ATRNL1: variants seen among roughly 807,000 people sequenced by gnomAD.
ATRNL1 encodes attractin like 1.
Under a neutral mutation model 182.7 loss-of-function variants are expected in ATRNL1, and 95 were observed. The ratio of observed to expected loss-of-function variants is 0.52; its 90% CI spans 0.44 to 0.62. The LOEUF (loss-of-function observed/expected upper bound fraction) is 0.62. Among genes scored for constraint, ATRNL1 ranks in the 20% least tolerant of loss-of-function variants. The pLI is 0.00. For missense variants in ATRNL1, 1,471 were observed against 1,679.5 expected (o/e 0.88, Z 2.17); for synonymous variants, 576 against 568.3 (o/e 1.01, Z -0.19).
intron 9 of ATRNL1, among the ~76,000 whole-genome samples, chr10:115,233,210 T>C (rs1390816190): frequency 6.6e-6 from 1 of 152,152 alleles, no homozygotes; most frequent in Non-Finnish European, 1.5e-5. Context: ...CTATGTGATC[T>C]CATTTTAACT....
rs943675792 is a variant in ATRNL1 at position 115,159,290 on chromosome 10, A to G, written c.830-750A>G. On this transcript the variant is annotated intron_variant, in intron 5 of 28. Transcript: ENST00000355044. ...ACTTTGTGAGCCCTAAAGTTTGATG[A>G]AAATATATTCCCTTTAGGAGAATTC... Among the ~76,000 whole-genome samples, 16 of 151,666 alleles carry G rather than the reference A, an allele frequency of 1.1e-4. No homozygotes were observed. The East Asian group carries it at 2.5e-3, about 24-fold the overall frequency.
intron 26 of ATRNL1, among the ~76,000 whole-genome samples, chr10:115,589,356 T>G (rs1855768321): frequency 6.6e-6 from 1 of 152,190 alleles, no homozygotes; most frequent in African/African-American, 2.4e-5. Flanking sequence ...GAGGGCTTCC[T>G]ATATCAGTAT....
At chr10:115,510,798 G>C (rs1291267308) in intron 24 of ATRNL1, among the ~76,000 whole-genome samples, 5 of 152,122 alleles carry the variant, frequency 3.3e-5, no homozygotes, top group African/African-American at 1.2e-4. Context: ...TATATGATAT[G>C]TTAATGTGAT....
chr10:115,375,937 T>A (rs1857646008), intron 19 of ATRNL1, among the ~76,000 whole-genome samples: 2 of 152,190 alleles, frequency 1.3e-5, no homozygotes, highest in Non-Finnish European at 2.9e-5. Flanking sequence ...AGTTTTATAT[T>A]TTCATATTTT....
intron 8 of ATRNL1, among the ~76,000 whole-genome samples, chr10:115,186,727 T>C (rs1041386413): frequency 3.9e-5 from 6 of 152,078 alleles, no homozygotes; most frequent in African/African-American, 1.4e-4. Context: ...GGATGATTAA[T>C]GGGTGCAGAA....
rs142268504 is a variant in ATRNL1, at chr10:115,919,451, T to C, written c.4019-25207T>C. Among the ~76,000 whole-genome samples, 135 of 152,236 alleles carry C rather than the reference T, an allele frequency of 8.9e-4. 1 individual carries two copies. The highest frequency in any genetic ancestry group is 2.9e-3 in the African/African-American group (121 of 41,550). On this transcript the variant is annotated intron_variant, in intron 28 of 28. Transcript: ENST00000355044. ...CTCAGTGATAGGTACAGAAGGCATATTGGAAACTTCCCACATGTCTATTTC... is the reference window on the plus strand; with the variant it reads ...CTCAGTGATAGGTACAGAAGGCATACTGGAAACTTCCCACATGTCTATTTC...
At chr10:115,512,862 A>G (rs1289235553) in intron 24 of ATRNL1, among the ~76,000 whole-genome samples, 2 of 151,956 alleles carry the variant, frequency 1.3e-5, no homozygotes, top group Non-Finnish European at 2.9e-5. Flanking sequence ...AGAGCAAGCC[A>G]TGTGAAGACC....
intron 26 of ATRNL1, among the ~76,000 whole-genome samples, chr10:115,580,974 T>C (rs1855034057): frequency 6.6e-6 from 1 of 152,178 alleles, no homozygotes; most frequent in Non-Finnish European, 1.5e-5. Context: ...TGAACACCCA[T>C]ATGACTGTTT....
At chr10:115,581,430 T>C (rs1175342982) in intron 26 of ATRNL1, among the ~76,000 whole-genome samples, 3 of 152,070 alleles carry the variant, frequency 2.0e-5, no homozygotes, top group African/African-American at 2.4e-5. Context: ...AGAGGATCTG[T>C]GGGAAATTCC....
chr10:115,295,158 A>C (rs1554922137), intron 15 of ATRNL1, among the ~76,000 whole-genome samples: 1 of 151,966 alleles, frequency 6.6e-6, no homozygotes, highest in Non-Finnish European at 1.5e-5. Context: ...GATTTTTTCC[A>C]GGGTTGGCCT....
intron 27 of ATRNL1, among the ~76,000 whole-genome samples, chr10:115,733,516 G>A (rs1433185063): frequency 5.9e-5 from 9 of 152,048 alleles, no homozygotes; most frequent in African/African-American, 7.2e-5. Context: ...AAGAAACCTC[G>A]CTCCCAAGGT....
chr10:115,274,037 T>A (rs962158049), intron 13 of ATRNL1, among the ~76,000 whole-genome samples: 21 of 152,218 alleles, frequency 1.4e-4, no homozygotes, highest in African/African-American at 4.8e-4. Flanking sequence ...AAGAGCTGTT[T>A]CTGCTAAAGG....
chr10:115,689,841 C>T lies in ATRNL1; in HGVS notation c.3796-37407C>T, dbSNP rs551263981. ...CCTGCCTGTCACACACTGTCCTGGA[C>T]GCTGGGGCCACACCATCAGTGGGGG... On this transcript the variant is annotated intron_variant, in intron 26 of 28. Coordinates refer to ENST00000355044, the MANE Select transcript of ATRNL1 (RefSeq NM_207303.4). 1.3e-4 allele frequency among the ~76,000 whole-genome samples: 20 copies of T among 152,268 alleles called. No homozygotes were observed. The East Asian group carries it at 2.7e-3, about 21-fold the overall frequency.
intron 26 of ATRNL1, among the ~76,000 whole-genome samples, chr10:115,689,372 G>T (rs1183276661): frequency 6.6e-6 from 1 of 151,426 alleles, no homozygotes; most frequent in Admixed American, 6.6e-5. Flanking sequence ...GCTTTTTTAT[G>T]TAGGCATTTA....
At chr10:115,128,614 C>A in intron 4 of ATRNL1, 1 of 161,264 alleles carries the variant, frequency 6.2e-6, no homozygotes, top group East Asian at 1.9e-4. Flanking sequence ...ATCACGAGGT[C>A]AGGAGATCAA....
At chr10:115,464,202 T>C (rs1157205159) in intron 22 of ATRNL1, among the ~76,000 whole-genome samples, 3 of 152,056 alleles carry the variant, frequency 2.0e-5, no homozygotes, top group African/African-American at 7.2e-5. Context: ...TCATTTTGTG[T>C]AACCCTCTTT....
At chr10:115,890,315 T>A (rs1952049595) in intron 28 of ATRNL1, among the ~76,000 whole-genome samples, 2 of 152,184 alleles carry the variant, frequency 1.3e-5, no homozygotes, top group Admixed American at 1.3e-4. Flanking sequence ...TTTCACCAGC[T>A]CTAACATGGT....
intron 28 of ATRNL1, among the ~76,000 whole-genome samples, chr10:115,865,028 A>T: frequency 6.6e-6 from 1 of 152,020 alleles, no homozygotes; most frequent in East Asian, 1.9e-4. Context: ...ATTGAGGGAC[A>T]GTTTACAAAA....
chr10:115,573,320 A>G (rs1316975765), intron 26 of ATRNL1, among the ~76,000 whole-genome samples: 3 of 151,986 alleles, frequency 2.0e-5, no homozygotes, highest in African/African-American at 4.8e-5. Flanking sequence ...CTCAGTGTTC[A>G]GATGTCCCTC....
Sources: allele counts gnomAD v4.1 joint callset (sites outside exome capture counted in the v4.1 genomes callset), GRCh38; gene constraint gnomAD v4.1.1; transcripts MANE v1.5; gene names NCBI Gene and HGNC (gene_info 2026-07-23, HGNC 2026-07-21).